The following ZBTB16 variants were observed in gnomAD, a reference collection of about 807,000 sequenced individuals.
ZBTB16 encodes zinc finger and BTB domain-containing protein 16.
A neutral mutation model predicts 56.8 loss-of-function variants in ZBTB16; 8 were observed. That is an observed-to-expected ratio of 0.14 (90% CI 0.08 to 0.25). ZBTB16 has a LOEUF of 0.25. Ranked by LOEUF, ZBTB16 falls within the 10% of genes least tolerant of loss-of-function variation. The pLI is 1.00. For synonymous variants in ZBTB16, 363 were observed against 368.5 expected (o/e 0.98, Z 0.17); for missense variants, 625 against 903.0 (o/e 0.69, Z 3.95).
At chr11:114,217,656 C>T (rs1944135951) in intron 4 of ZBTB16, among the ~76,000 whole-genome samples, 1 of 152,168 alleles carries the variant, frequency 6.6e-6, no homozygotes. Flanking sequence ...AAGAGAAGTC[C>T]AGGCTGGAGG....
intron 4 of ZBTB16, among the ~76,000 whole-genome samples, chr11:114,231,081 A>G (rs1380515082): frequency 6.6e-6 from 1 of 152,202 alleles, no homozygotes; most frequent in African/African-American, 2.4e-5. Context: ...GTCTGAAACT[A>G]GAGAGAGTGA....
intron 2 of ZBTB16, among the ~76,000 whole-genome samples, chr11:114,140,759 T>C (rs1941924365): frequency 6.6e-6 from 1 of 152,208 alleles, no homozygotes; most frequent in Non-Finnish European, 1.5e-5. Flanking sequence ...AGTCTCTCTT[T>C]TCTTGTACCT....
chr11:114,226,258 C>T (rs1944326115), intron 4 of ZBTB16, among the ~76,000 whole-genome samples: 1 of 152,086 alleles, frequency 6.6e-6, no homozygotes, highest in Admixed American at 6.6e-5. Context: ...AGCACCACCA[C>T]CCAAAGAGAG....
intron 4 of ZBTB16, among the ~76,000 whole-genome samples, chr11:114,194,267 G>A (rs1331346580): frequency 6.6e-6 from 1 of 152,194 alleles, no homozygotes; most frequent in Non-Finnish European, 1.5e-5. Flanking sequence ...GTGTTGTACA[G>A]GTATTCTTGA....
At chr11:114,141,726 T>C (rs548972119) in intron 2 of ZBTB16, among the ~76,000 whole-genome samples, 2 of 152,348 alleles carry the variant, frequency 1.3e-5, no homozygotes, top group South Asian at 4.1e-4. Flanking sequence ...CCCGTTCTAC[T>C]AACTAGTGGT....
rs1255872263 is a variant in ZBTB16, at chr11:114,143,438, T to G, written c.1269-12899T>G. Among the ~76,000 whole-genome samples the G allele has an allele frequency of 6.6e-6, 1 of 152,068 alleles. No homozygotes were observed. Among genetic ancestry groups the G allele is most frequent in the Non-Finnish European group, 1.5e-5 (1 of 68,012 alleles). ...AGGCTGGGGGGGAAAGGGGGTCAGC[T>G]TTGAGAGGGGACAGAGGGGAGCTAC... On this transcript the variant is annotated intron_variant, in intron 2 of 6. Transcript: ENST00000335953. The surrounding 1 kb of genome is among the most constrained non-coding windows in gnomAD (Gnocchi z 6.4).
intron 4 of ZBTB16, among the ~76,000 whole-genome samples, chr11:114,190,106 G>A (rs67862842): frequency 0.22 from 33,381 of 152,124 alleles, 3,818 homozygotes; most frequent in Middle Eastern, 0.32. Context: ...TCTAGAATAG[G>A]CAAATCTATA....
At chr11:114,091,041 G>A (rs1199913670) in intron 2 of ZBTB16, among the ~76,000 whole-genome samples, 1 of 152,294 alleles carries the variant, frequency 6.6e-6, no homozygotes, top group East Asian at 1.9e-4. Context: ...ACCTGGTGAC[G>A]CAGACTAAGG....
intron 2 of ZBTB16, among the ~76,000 whole-genome samples, chr11:114,073,529 G>A (rs1453568226): frequency 6.6e-6 from 1 of 152,098 alleles, no homozygotes; most frequent in African/African-American, 2.4e-5. Context: ...TGCAAGGAGG[G>A]GATCCGGTAC....
At chr11:114,231,698 G>A (rs866702196) in intron 4 of ZBTB16, among the ~76,000 whole-genome samples, 2 of 152,122 alleles carry the variant, frequency 1.3e-5, no homozygotes, top group Non-Finnish European at 1.5e-5. Context: ...CTGTCCCTCT[G>A]TCAGCCTAAG....
At chr11:114,108,112 A>C (rs76111011) in intron 2 of ZBTB16, among the ~76,000 whole-genome samples, 1,989 of 152,152 alleles carry the variant, frequency 0.013, 40 homozygotes, top group African/African-American at 0.046. Flanking sequence ...ATCATTCATT[A>C]ATTCCTGGGT....
At chr11:114,249,516 A>C (rs1006727941) in intron 6 of ZBTB16, among the ~76,000 whole-genome samples, 1 of 140,864 alleles carries the variant, frequency 7.1e-6, no homozygotes, top group African/African-American at 2.7e-5. Context: ...CTGTAATCCC[A>C]GCACTTTGGG....
At chr11:114,107,185 G>T (rs983510114) in intron 2 of ZBTB16, among the ~76,000 whole-genome samples, 1 of 152,130 alleles carries the variant, frequency 6.6e-6, no homozygotes, top group Admixed American at 6.5e-5. Context: ...AGTGACTTGC[G>T]CAAGGTCACG....
chr11:114,227,441 T>C (rs1363938727), intron 4 of ZBTB16, among the ~76,000 whole-genome samples: 2 of 152,328 alleles, frequency 1.3e-5, no homozygotes, highest in East Asian at 3.9e-4. Context: ...TCCAGAGAAA[T>C]CAAATTCATT....
chr11:114,067,499 C>T (rs575981055), intron 2 of ZBTB16, among the ~76,000 whole-genome samples: 74 of 152,190 alleles, frequency 4.9e-4, no homozygotes, highest in East Asian at 2.1e-3. Context: ...CTCTACTTCC[C>T]GGGTTCAAGT....
intron 2 of ZBTB16, among the ~76,000 whole-genome samples, chr11:114,100,997 GGTTT>G (rs1162025949): frequency 4.6e-5 from 7 of 151,820 alleles, no homozygotes; most frequent in South Asian, 2.1e-4. Context: ...GTTGCAAGCT[GGTTT>G]GTTTGTTTGT....
At position 114,250,314 on chromosome 11, in the gene ZBTB16, C is replaced by G. The variant is rs999766853; in HGVS notation, c.1793-12C>G. 2 of 1,609,642 alleles carry G rather than the reference C, an allele frequency of 1.2e-6. No individual in the cohort carries two copies. The highest frequency in any genetic ancestry group is 1.7e-6 in the Non-Finnish European group (2 of 1,179,872). On this transcript the variant is annotated splice_polypyrimidine_tract_variant and intron_variant, in intron 6 of 6. Coordinates refer to ENST00000335953, the MANE Select transcript of ZBTB16 (RefSeq NM_006006.6). The surrounding 1 kb of genome is among the most constrained non-coding windows in gnomAD (Gnocchi z 6.0). ...GTCCTCACTTTCTCCTGCCCTGTCC[C>G]TCCGCCCTCAGGTGAGAAGCCCTTT...
chr11:114,086,180 C>T (rs978066979), intron 2 of ZBTB16, among the ~76,000 whole-genome samples: 2 of 152,174 alleles, frequency 1.3e-5, no homozygotes, highest in African/African-American at 2.4e-5. Context: ...GCAAACATTA[C>T]GCAGCAGTGC....
At chr11:114,194,029 G>T (rs1288790986) in intron 4 of ZBTB16, among the ~76,000 whole-genome samples, 7 of 152,202 alleles carry the variant, frequency 4.6e-5, no homozygotes, top group Admixed American at 2.0e-4. Flanking sequence ...AGGCTGATTG[G>T]TTCCGGGTGA....
Sources: allele counts gnomAD v4.1 joint callset (sites outside exome capture counted in the v4.1 genomes callset), GRCh38; gene constraint gnomAD v4.1.1; non-coding constraint Gnocchi (gnomAD v3.1); transcripts MANE v1.5; gene names NCBI Gene and HGNC (gene_info 2026-07-23, HGNC 2026-07-21).